Variants in RAB6A observed in about 807,000 individuals in gnomAD.
RAB6A encodes the protein ras-related protein Rab-6A.
A neutral mutation model predicts 32.3 loss-of-function variants in RAB6A; 8 were observed. That is an observed-to-expected ratio of 0.25 (90% CI 0.15 to 0.45). The LOEUF is 0.45. Ranked by LOEUF, RAB6A falls within the 20% of genes least tolerant of loss-of-function variation. RAB6A has a pLI of 1.00. For synonymous variants in RAB6A, 73 were observed against 82.1 expected (o/e 0.89, Z 0.60); for missense variants, 104 against 249.4 (o/e 0.42, Z 3.93).
chr11:73,696,288 C>A (rs980717610), intron 6 of RAB6A, among the ~76,000 whole-genome samples: 5 of 152,140 alleles, frequency 3.3e-5, no homozygotes, highest in African/African-American at 1.2e-4. Flanking sequence ...ACCTCTGCCT[C>A]CTGGGTTCAG....
intron 1 of RAB6A, chr11:73,759,949 CTCAAG>C (rs1239951569): frequency 8.8e-7 from 1 of 1,133,634 alleles, no homozygotes; most frequent in Admixed American, 2.4e-5. Context: ...CCACCCCATG[CTCAAG>C]TCGTCTCCAA....
intron 6 of RAB6A, among the ~76,000 whole-genome samples, chr11:73,699,409 C>T (rs968836693): frequency 3.9e-5 from 6 of 152,116 alleles, no homozygotes; most frequent in African/African-American, 9.7e-5. Flanking sequence ...GCTGGGACTA[C>T]AGACACTCAA....
At chr11:73,690,175 T>C (rs1016925234) in intron 6 of RAB6A, among the ~76,000 whole-genome samples, 4 of 152,204 alleles carry the variant, frequency 2.6e-5, no homozygotes, top group African/African-American at 9.6e-5. Flanking sequence ...CTCAAGGATA[T>C]TTACTATCTC....
At chr11:73,736,798 G>GAA (rs1217713529) in intron 1 of RAB6A, among the ~76,000 whole-genome samples, 42 of 38,552 alleles carry the variant, frequency 1.1e-3, no homozygotes, top group East Asian at 3.2e-3. Context: ...TCTCGAGAAA[G>GAA]AAAAAAAAAA....
intron 3 of RAB6A, 39 bp downstream of exon 3, chr11:73,720,807 G>A (rs753859516): frequency 7.4e-6 from 11 of 1,484,122 alleles, no homozygotes; most frequent in Non-Finnish European, 1.0e-5. Flanking sequence ...TTCTAACCTG[G>A]AATGTTGCAG....
In RAB6A at chr11:73,760,736, G is replaced by A; in HGVS notation, c.-101C>T. 6 of 1,502,520 alleles carry A rather than the reference G, an allele frequency of 4.0e-6. 1 individual carries two copies. The East Asian group carries it at 9.9e-5, about 25-fold the overall frequency. The allele number at this position is 1,502,520 out of a possible 1,614,324, so 93.1% of individuals were successfully genotyped here. ...AAAGGCGAGCGGAAGGGCGGGCACC[G>A]AGCTCTCTCGGCCCCTGCAAGGCCC... On this transcript the variant is annotated 5_prime_UTR_variant, in exon 1 of 8. Transcript: ENST00000336083.
At chr11:73,710,255 C>T (rs892308942) in intron 5 of RAB6A, among the ~76,000 whole-genome samples, 13 of 150,900 alleles carry the variant, frequency 8.6e-5, no homozygotes, top group African/African-American at 2.9e-4. Flanking sequence ...CGTGAGCCAC[C>T]GCGCCCGGCC....
intron 1 of RAB6A, among the ~76,000 whole-genome samples, chr11:73,732,835 C>T (rs1221817695): frequency 2.6e-5 from 4 of 151,768 alleles, no homozygotes; most frequent in East Asian, 1.9e-4. Context: ...TCCCCCGAGA[C>T]GATGTCTTGC....
chr11:73,729,051 C>G (rs547613126), intron 2 of RAB6A, among the ~76,000 whole-genome samples: 1 of 152,230 alleles, frequency 6.6e-6, no homozygotes, highest in East Asian at 1.9e-4. Context: ...TACCTGTCAT[C>G]TAATTAGTTA....
Position 73,730,573 on chromosome 11 carries a change from A to G in RAB6A, c.129+192T>C, listed in dbSNP as rs970619274. The G allele has an allele frequency of 6.8e-5, 36 of 530,394 alleles. 2 individuals are homozygous for G. The highest frequency in any genetic ancestry group is 6.4e-4 in the South Asian group (22 of 34,184). 32.9% of individuals were successfully genotyped at this position (530,394 alleles called of 1,614,324 possible). On this transcript the variant is annotated intron_variant, in intron 2 of 7. Coordinates refer to ENST00000336083, the MANE Select transcript of RAB6A (RefSeq NM_198896.2). The stretch of plus-strand genomic sequence containing the variant: ...ATTTCAACAGACTTTGGAAGAGACA[A>G]AAGAAATCAAATGATAAAAGTTTAT...
At chr11:73,742,812 A>C (rs889402656) in intron 1 of RAB6A, among the ~76,000 whole-genome samples, 2 of 151,980 alleles carry the variant, frequency 1.3e-5, no homozygotes, top group Non-Finnish European at 2.9e-5. Flanking sequence ...TCTGTCTCAA[A>C]AAAAAAAAGT....
At chr11:73,719,002 G>A (rs1053347735) in intron 3 of RAB6A, 1 of 969,104 alleles carries the variant, frequency 1.0e-6, no homozygotes, top group African/African-American at 1.7e-5. Context: ...GTAGAAAGAA[G>A]ACTCATGCAA....
intron 2 of RAB6A, among the ~76,000 whole-genome samples, chr11:73,721,927 T>G: frequency 6.6e-6 from 1 of 152,188 alleles, no homozygotes; most frequent in East Asian, 1.9e-4. Flanking sequence ...AAATAGAATT[T>G]TGTGTGTGTC....
rs781699283 is a variant in RAB6A, at chr11:73,760,652, C to A, written c.-17G>T. 1.2e-6 allele frequency: 2 copies of A among 1,602,504 alleles called. No individual in the cohort carries two copies. The highest frequency in any genetic ancestry group is 1.7e-6 in the Non-Finnish European group (2 of 1,175,026). ...CGTGGACATTGTGGAACTAGAGGAG[C>A]GGCCGCCGCCTCAGCCTAGAGACCT... On this transcript the variant is annotated 5_prime_UTR_variant, in exon 1 of 8. Transcript: ENST00000336083.
intron 3 of RAB6A, 145 bp downstream of exon 3, chr11:73,720,701 G>A (rs35905244): frequency 0.049 from 30,535 of 628,430 alleles, 859 homozygotes; most frequent in South Asian, 0.063. Context: ...CTACTCACTC[G>A]GTAATAAGAG....
At chr11:73,740,588 A>T (rs906006863) in intron 1 of RAB6A, among the ~76,000 whole-genome samples, 21 of 146,086 alleles carry the variant, frequency 1.4e-4, no homozygotes, top group East Asian at 4.0e-4. Flanking sequence ...AAGTTAATTT[A>T]AAAAAAAAAA....
In RAB6A at chr11:73,677,337, A is replaced by C. The variant is rs1047859741; in HGVS notation, c.*561T>G. The C allele has an allele frequency of 2.9e-5, 5 of 170,532 alleles. No individual in the cohort carries two copies. Among genetic ancestry groups the C allele is most frequent in the African/African-American group, 1.2e-4 (5 of 41,524 alleles). The allele number at this position is 170,532 out of a possible 1,614,324, so 10.6% of individuals were successfully genotyped here. Reference sequence around the variant, plus strand: ...TAATTTATATCAGTGCTCAAGAATAATTTTGGACATCTTGGTCCGTAGCCT... The same window carrying C: ...TAATTTATATCAGTGCTCAAGAATACTTTTGGACATCTTGGTCCGTAGCCT... On this transcript the variant is annotated 3_prime_UTR_variant, in exon 8 of 8. Coordinates refer to ENST00000336083, the MANE Select transcript of RAB6A (RefSeq NM_198896.2).
At chr11:73,747,208 CTT>C (rs549471454) in intron 1 of RAB6A, among the ~76,000 whole-genome samples, 3 of 131,766 alleles carry the variant, frequency 2.3e-5, no homozygotes. Flanking sequence ...CAAAATCTTC[CTT>C]TTTTTTTTTT....
chr11:73,759,462 A>G (rs764550200), intron 1 of RAB6A, among the ~76,000 whole-genome samples: 160 of 152,328 alleles, frequency 1.1e-3, no homozygotes, highest in Non-Finnish European at 1.9e-3. Context: ...CTCATCAGAC[A>G]GTACAGAATA....
Sources: allele counts gnomAD v4.1 joint callset (sites outside exome capture counted in the v4.1 genomes callset), GRCh38; gene constraint gnomAD v4.1.1; transcripts MANE v1.5; gene names NCBI Gene and HGNC (gene_info 2026-07-23, HGNC 2026-07-21).